Variants in ZNF594 observed in about 807,000 individuals in gnomAD.
ZNF594 encodes zinc finger protein HZF18.
For missense variants in ZNF594, 1,037 were observed against 964.6 expected, an observed-to-expected ratio of 1.08 and a Z score of -0.99; for synonymous variants, 336 against 309.4, an observed-to-expected ratio of 1.09 and a Z score of -0.90.
Position 5,183,674 on chromosome 17 carries a change from T to G in ZNF594, c.583A>C (p.Ser195Arg), listed in dbSNP as rs1054594242. The G allele has an allele frequency of 2.5e-6, 4 of 1,614,110 alleles. No individual in the cohort carries two copies. Among genetic ancestry groups the G allele is most frequent in the Non-Finnish European group, 3.4e-6 (4 of 1,180,036 alleles). Residue 195 changes from serine to arginine, a missense_variant, in exon 2 of 2, where the codon AGC (serine) becomes CGC (arginine). Coordinates refer to ENST00000575779, the MANE Select transcript of ZNF594 (RefSeq NM_032530.2). Reference protein sequence around the residue: ...CHECGKDFNQSSNLVRHKQIH... With the variant: ...CHECGKDFNQRSNLVRHKQIH... ...TGCTTATGTCTCACCAGATTGGAGCTCTGATTGAAGTCTTTTCCACATTCA... is the reference window on the plus strand; with the variant it reads ...TGCTTATGTCTCACCAGATTGGAGCGCTGATTGAAGTCTTTTCCACATTCA...
At position 5,183,582 on chromosome 17, in the gene ZNF594, G is replaced by T; in HGVS notation, c.675C>A (p.Asn225Lys). 6.2e-7 allele frequency: 1 copy of T among 1,614,070 alleles called. No homozygotes were observed. The highest frequency in any genetic ancestry group is 1.1e-5 in the South Asian group (1 of 91,076). Reference protein sequence around the residue: ...ECGKAFKGSSNLVLHQRIHSR... With the variant: ...ECGKAFKGSSKLVLHQRIHSR... ...TGTGGATTCTCTGGTGCAGGACAAGGTTTGAGCTTCCCTTAAAAGCCTTCC... is the reference window on the plus strand; with the variant it reads ...TGTGGATTCTCTGGTGCAGGACAAGTTTTGAGCTTCCCTTAAAAGCCTTCC... The change falls in exon 2 of 2, where the codon AAC becomes AAA. Residue 225 changes from asparagine (N) to lysine (K), a missense_variant. Physicochemically the swap from Asn to Lys is moderately conservative, Grantham distance 94 (BLOSUM62 0). Transcript: ENST00000575779.
downstream of ZNF594, chr17:5,174,998 GT>G (rs1431133157): frequency 1.1e-5 from 2 of 184,714 alleles, no homozygotes; most frequent in Non-Finnish European, 1.2e-5. Flanking sequence ...TCTATGTGCT[GT>G]TTTTCCTCAT....
rs753117346 is a variant in ZNF594, at chr17:5,181,185, A to C, written c.*648T>G. On this transcript the variant is annotated 3_prime_UTR_variant, in exon 2 of 2. Coordinates refer to ENST00000575779, the MANE Select transcript of ZNF594 (RefSeq NM_032530.2). ...AGTATGAACACGATGGTGTCTAATA[A>C]GATCTGAGCTGCCCCTAAAAGATTT... The C allele has an allele frequency of 6.2e-7, 1 of 1,610,980 alleles. No individual in the cohort carries two copies. The highest frequency in any genetic ancestry group is 1.1e-5 in the South Asian group (1 of 91,028).
At position 5,182,682 on chromosome 17, in the gene ZNF594, G is replaced by T. The variant is rs776233934; in HGVS notation, c.1575C>A (p.Phe525Leu). The stretch of plus-strand genomic sequence containing the variant: ...GTTTGAGGAAAGCTGTGCGCCAAAT[G>T]AAGAGCTTCCCACATTCCTTACATT... ...PYECKECGKL[F>L]IWRTAFLKHQ... The change falls in exon 2 of 2, where the codon TTC becomes TTA. Residue 525 changes from phenylalanine (F) to leucine (L), a missense_variant. Physicochemically the swap from Phe to Leu is conservative, Grantham distance 22 (BLOSUM62 0). Transcript: ENST00000575779. The T allele has an allele frequency of 2.5e-6, 4 of 1,613,920 alleles. No homozygotes were observed. In the South Asian group the frequency reaches 4.4e-5, roughly 18 times the overall value.
At chr17:5,190,341 C>T (rs1030712945) in intron 1 of ZNF594, among the ~76,000 whole-genome samples, 1 of 152,118 alleles carries the variant, frequency 6.6e-6, no homozygotes, top group African/African-American at 2.4e-5. Flanking sequence ...GCACTCTAGT[C>T]TGTTGACAGA....
chr17:5,183,979 G>A lies in ZNF594; in HGVS notation c.278C>T (p.Ser93Phe), dbSNP rs753253848. 6.2e-7 allele frequency: 1 copy of A among 1,613,976 alleles called. No homozygotes were observed. The highest frequency in any genetic ancestry group is 1.3e-5 in the African/African-American group (1 of 74,930). ...HGCNEGEKIL[S>F]AGESSHRYEV... ...ATATCTATGGGAGCTTTCTCCTGCA[G>A]AAAGTATTTTTTCTCCTTCATTACA... The change falls in exon 2 of 2, where the codon TCT becomes TTT. Residue 93 changes from serine (S) to phenylalanine (F), a missense_variant. Ser to Phe is a radical substitution (Grantham distance 155). Transcript: ENST00000575779.
downstream of ZNF594, chr17:5,174,669 TTTTA>T (rs1296484557): frequency 1.0e-5 from 2 of 199,566 alleles, no homozygotes; most frequent in African/African-American, 4.6e-5. Flanking sequence ...TTTACAGATG[TTTTA>T]TTTAAACAGG....
Position 5,182,709 on chromosome 17 carries a change from A to G in ZNF594, c.1548T>C (p.Tyr516=), listed in dbSNP as rs766710710. 1.2e-6 allele frequency: 2 copies of G among 1,613,870 alleles called. No homozygotes were observed. Among genetic ancestry groups the G allele is most frequent in the African/African-American group, 1.3e-5 (1 of 74,862 alleles). The change falls in exon 2 of 2, where the codon TAT becomes TAC. Residue 516 remains tyrosine, a synonymous_variant. Coordinates refer to ENST00000575779, the MANE Select transcript of ZNF594 (RefSeq NM_032530.2). ...HRRIHSGEKP[Y]ECKECGKLFI... Reference sequence around the variant, plus strand: ...AGAGCTTCCCACATTCCTTACATTCATAGGGTTTCTCACCACTATGAATTC... The same window carrying G: ...AGAGCTTCCCACATTCCTTACATTCGTAGGGTTTCTCACCACTATGAATTC...
chr17:5,188,333 T>C (rs753938504), intron 1 of ZNF594, among the ~76,000 whole-genome samples: 4 of 151,744 alleles, frequency 2.6e-5, no homozygotes, highest in African/African-American at 9.7e-5. Flanking sequence ...ACTGAAGTCT[T>C]GAAAGCCAGA....
At chr17:5,178,139 T>G (rs919004813), downstream of ZNF594, among the ~76,000 whole-genome samples, 5 of 149,092 alleles carry the variant, frequency 3.4e-5, no homozygotes, top group African/African-American at 1.2e-4. Context: ...AAAAAAAAAT[T>G]ATAGGCCCAC....
rs1290663810 is a variant in ZNF594 at position 5,182,661 on chromosome 17, G to A, written c.1596C>T (p.Leu532=). 2.5e-6 allele frequency: 4 copies of A among 1,613,680 alleles called. No homozygotes were observed. Among genetic ancestry groups the A allele is most frequent in the East Asian group, 4.5e-5 (2 of 44,810 alleles). Residue 532 remains leucine (L), a synonymous_variant, in exon 2 of 2, where the codon CTC becomes CTT. Transcript: ENST00000575779. ...CTCCAGTATGCAGGCTCTGATGTTT[G>A]AGGAAAGCTGTGCGCCAAATGAAGA... ...GKLFIWRTAF[L]KHQSLHTGEK...
At chr17:5,175,752 G>A (rs1346557682), downstream of ZNF594, among the ~76,000 whole-genome samples, 2 of 152,032 alleles carry the variant, frequency 1.3e-5, no homozygotes, top group East Asian at 1.9e-4. Context: ...AGCGGGCACC[G>A]AGAAACCAGA....
At chr17:5,177,541 C>T (rs1490085091), downstream of ZNF594, among the ~76,000 whole-genome samples, 5 of 151,656 alleles carry the variant, frequency 3.3e-5, no homozygotes, top group Non-Finnish European at 7.4e-5. Context: ...GAAAACCCGT[C>T]TCTACTAAAA....
downstream of ZNF594, chr17:5,174,792 C>T (rs1468217302): frequency 5.0e-6 from 1 of 198,072 alleles, no homozygotes; most frequent in Non-Finnish European, 1.0e-5. Context: ...ACTACATTCA[C>T]CTTGTAAATT....
Position 5,182,870 on chromosome 17 carries a change from TAC to T in ZNF594, c.1385_1386del (p.Cys462Ter). ...TGGCTAAAGGCTTTCCCACATTCAC[TAC>T]ATTCATAGGGTTTCTCTCCAGTATG... ...RVHTGEKPYE[C>X]SECGKAFSQR... On this transcript the variant is annotated frameshift_variant, in exon 2 of 2. Coordinates refer to ENST00000575779, the MANE Select transcript of ZNF594 (RefSeq NM_032530.2). LOFTEE classifies it low-confidence loss of function (END_TRUNC). 6.2e-7 allele frequency: 1 copy of T among 1,614,098 alleles called. No individual in the cohort carries two copies. Among genetic ancestry groups the T allele is most frequent in the Non-Finnish European group, 8.5e-7 (1 of 1,180,016 alleles).
chr17:5,181,905 T>C lies in ZNF594; in HGVS notation c.2352A>G (p.Thr784=), dbSNP rs368806011. ...SDLIRHQVTH[T]REKPYECKEC... is the part of the protein sequence containing the mutation. ...CTTTACATTCATATGGTTTCTCTCTTGTATGAGTTACCTGATGTCTGATGA... is the reference window on the plus strand; with the variant it reads ...CTTTACATTCATATGGTTTCTCTCTCGTATGAGTTACCTGATGTCTGATGA... Residue 784 remains threonine (T), a synonymous_variant, in exon 2 of 2, where the codon ACA becomes ACG. Transcript: ENST00000575779. 7.4e-6 allele frequency: 12 copies of C among 1,613,890 alleles called. No homozygotes were observed. The highest frequency in any genetic ancestry group is 9.3e-6 in the Non-Finnish European group (11 of 1,179,996).
chr17:5,184,414 C>G, intron 1 of ZNF594, 138 bp from the exon 2 acceptor site: 1 of 886,526 alleles, frequency 1.1e-6, no homozygotes, highest in Non-Finnish European at 1.7e-6. Flanking sequence ...CTTTCACTAG[C>G]GACACTGTGG....
intron 1 of ZNF594, 196 bp from the exon 2 acceptor site, chr17:5,184,472 C>T (rs141120427): frequency 1.9e-5 from 11 of 576,538 alleles, no homozygotes; most frequent in African/African-American, 7.5e-5. Flanking sequence ...TGAAAAAACC[C>T]GCCAGGGTGC....
In ZNF594 at chr17:5,183,458, A is replaced by C. The variant is rs2074363333; in HGVS notation, c.799T>G (p.Tyr267Asp). ...ATCTGTCCACAGTCATAACATTCATAGGGTTTCTCTCCAGTGTGAATTCTG... is the reference window on the plus strand; with the variant it reads ...ATCTGTCCACAGTCATAACATTCATCGGGTTTCTCTCCAGTGTGAATTCTG... ...HHRIHTGEKP[Y>D]ECYDCGQMFS... is the part of the protein sequence containing the mutation. The change falls in exon 2 of 2, where the codon TAT becomes GAT. Residue 267 changes from tyrosine (Y) to aspartate (D), a missense_variant. Coordinates refer to ENST00000575779, the MANE Select transcript of ZNF594 (RefSeq NM_032530.2). 6.2e-7 allele frequency: 1 copy of C among 1,613,926 alleles called. No individual in the cohort carries two copies. Among genetic ancestry groups the C allele is most frequent in the Admixed American group, 1.7e-5 (1 of 59,998 alleles).
Sources: allele counts gnomAD v4.1 joint callset (sites outside exome capture counted in the v4.1 genomes callset), GRCh38; gene constraint gnomAD v4.1.1; transcripts MANE v1.5; gene names NCBI Gene and HGNC (gene_info 2026-07-23, HGNC 2026-07-21).